Variants in CDH12 observed in about 807,000 individuals in gnomAD.
CDH12 encodes cadherin-12.
Under a neutral mutation model 74.1 loss-of-function variants are expected in CDH12, and 41 were observed. That is an observed-to-expected ratio of 0.55 (90% CI 0.43 to 0.72). The LOEUF (loss-of-function observed/expected upper bound fraction) is 0.72, where lower values mean the gene tolerates loss of function less well. Among genes scored for constraint, CDH12 ranks in the 30% least tolerant of loss-of-function variants. CDH12 has a pLI of 0.00. For synonymous variants in CDH12, 399 were observed against 355.0 expected (o/e 1.12, Z -1.39); for missense variants, 945 against 977.2 (o/e 0.97, Z 0.44).
chr5:22,064,867 A>G (rs1741451881), intron 5 of CDH12, among the ~76,000 whole-genome samples: 1 of 152,146 alleles, frequency 6.6e-6, no homozygotes, highest in Admixed American at 6.5e-5. Context: ...GTTGGGAAAA[A>G]ACCCTAGACT....
At chr5:22,520,334 A>G (rs1489206584) in intron 1 of CDH12, among the ~76,000 whole-genome samples, 1 of 152,218 alleles carries the variant, frequency 6.6e-6, no homozygotes, top group East Asian at 1.9e-4. Context: ...GTTGCATAAT[A>G]TAATTCCACA....
chr5:22,486,851 C>A (rs1206704324), intron 2 of CDH12, among the ~76,000 whole-genome samples: 1 of 152,060 alleles, frequency 6.6e-6, no homozygotes, highest in Non-Finnish European at 1.5e-5. Context: ...GATACATAAT[C>A]ATTAGTTGCA....
chr5:22,570,849 T>G (rs1739508265), intron 1 of CDH12, among the ~76,000 whole-genome samples: 1 of 152,336 alleles, frequency 6.6e-6, no homozygotes. Context: ...CTGTTTCATC[T>G]ACCTTAAAAA....
rs1460192142 is a variant in CDH12, at chr5:22,567,214, T to C, written c.-522-61850A>G. Among the ~76,000 whole-genome samples, 3 of 152,266 alleles carry C rather than the reference T, an allele frequency of 2.0e-5. No individual in the cohort carries two copies. The East Asian group carries it at 5.8e-4, about 29-fold the overall frequency. On this transcript the variant is annotated intron_variant, in intron 1 of 14. Coordinates refer to ENST00000382254, the MANE Select transcript of CDH12 (RefSeq NM_004061.5). ...CTCAGTTCACACCATTATCCCAAGGTTTGGAGTTAGCCACATTGTATTAGA... is the reference window on the plus strand; with the variant it reads ...CTCAGTTCACACCATTATCCCAAGGCTTGGAGTTAGCCACATTGTATTAGA...
intron 2 of CDH12, among the ~76,000 whole-genome samples, chr5:22,431,952 A>T (rs557760913): frequency 6.6e-6 from 1 of 152,246 alleles, no homozygotes; most frequent in South Asian, 2.1e-4. Context: ...TAAGAACAAA[A>T]ATATAACTTT....
At chr5:22,656,264 A>C (rs1464813615) in intron 1 of CDH12, among the ~76,000 whole-genome samples, 1 of 152,194 alleles carries the variant, frequency 6.6e-6, no homozygotes, top group Non-Finnish European at 1.5e-5. Context: ...GGATTTTATA[A>C]GGTCTTGCAA....
intron 2 of CDH12, among the ~76,000 whole-genome samples, chr5:22,420,912 G>T (rs1306883134): frequency 2.0e-5 from 3 of 152,044 alleles, no homozygotes; most frequent in Admixed American, 1.3e-4. Flanking sequence ...CACATCCCTT[G>T]TTAGCTGTAT....
chr5:22,196,230 C>T (rs566493779), intron 4 of CDH12, among the ~76,000 whole-genome samples: 1 of 151,230 alleles, frequency 6.6e-6, no homozygotes, highest in Admixed American at 6.6e-5. Context: ...CTGCAACTTC[C>T]GAATCCCGGG....
At chr5:21,842,367 A>C in intron 7 of CDH12, 39 bp from the exon 8 acceptor site, 1 of 1,382,850 alleles carries the variant, frequency 7.2e-7, no homozygotes, top group Non-Finnish European at 1.0e-6. Context: ...TAAATATCAC[A>C]AATGCTCTGT....
At chr5:22,040,733 A>T (rs1168669546) in intron 5 of CDH12, among the ~76,000 whole-genome samples, 2 of 152,128 alleles carry the variant, frequency 1.3e-5, no homozygotes, top group East Asian at 3.9e-4. Context: ...GTAAAAGATA[A>T]AATTTTCCTC....
At chr5:22,600,749 C>T (rs573012941) in intron 1 of CDH12, among the ~76,000 whole-genome samples, 25 of 151,866 alleles carry the variant, frequency 1.6e-4, no homozygotes, top group South Asian at 6.2e-4. Context: ...TCATCCTTTA[C>T]GTAATTTTAC....
Position 22,748,710 on chromosome 5 carries a change from A to G in CDH12, c.-523+104348T>C, listed in dbSNP as rs149740557. ...AATCTTAAGATAAATATTAGTAGAGACTGTAGCGATTGTAATGATGTGACG... is the reference window on the plus strand; with the variant it reads ...AATCTTAAGATAAATATTAGTAGAGGCTGTAGCGATTGTAATGATGTGACG... On this transcript the variant is annotated intron_variant, in intron 1 of 14. Coordinates refer to ENST00000382254, the MANE Select transcript of CDH12 (RefSeq NM_004061.5). Among the ~76,000 whole-genome samples the G allele has an allele frequency of 4.2e-4, 64 of 152,270 alleles. 1 individual carries two copies. The East Asian group carries it at 0.012, about 29-fold the overall frequency.
At chr5:22,276,497 C>T (rs1358104394) in intron 3 of CDH12, among the ~76,000 whole-genome samples, 1 of 152,162 alleles carries the variant, frequency 6.6e-6, no homozygotes, top group African/African-American at 2.4e-5. Context: ...TTTAAAAACT[C>T]ATCCCCTTGA....
intron 1 of CDH12, among the ~76,000 whole-genome samples, chr5:22,796,997 A>G (rs924158525): frequency 1.3e-5 from 2 of 152,112 alleles, no homozygotes; most frequent in Non-Finnish European, 2.9e-5. Context: ...GGTCTTATCC[A>G]TGTCAAAAAT....
At chr5:22,270,893 C>G (rs1736371001) in intron 3 of CDH12, among the ~76,000 whole-genome samples, 1 of 151,964 alleles carries the variant, frequency 6.6e-6, no homozygotes, top group Non-Finnish European at 1.5e-5. Context: ...CCAGGCTAGT[C>G]TTGAACTCCT....
chr5:22,802,987 A>T (rs947331065), intron 1 of CDH12, among the ~76,000 whole-genome samples: 1 of 152,160 alleles, frequency 6.6e-6, no homozygotes, highest in Non-Finnish European at 1.5e-5. Flanking sequence ...GTGGGCATTA[A>T]AGCCCACTTA....
chr5:22,532,979 C>A (rs1402664991), intron 1 of CDH12, among the ~76,000 whole-genome samples: 4 of 151,884 alleles, frequency 2.6e-5, no homozygotes, highest in East Asian at 1.9e-4. Context: ...GTATACAGGG[C>A]AAATTACTAG....
At chr5:22,029,499 A>C (rs1176426947) in intron 5 of CDH12, among the ~76,000 whole-genome samples, 1 of 150,600 alleles carries the variant, frequency 6.6e-6, no homozygotes, top group African/African-American at 2.4e-5. Context: ...GCAGCCAAAA[A>C]ACACATGAAA....
intron 4 of CDH12, among the ~76,000 whole-genome samples, chr5:22,165,442 A>G (rs1372820588): frequency 6.6e-6 from 1 of 152,004 alleles, no homozygotes; most frequent in Non-Finnish European, 1.5e-5. Context: ...ATGTTTGATG[A>G]CCCTATTTAA....
Sources: gnomAD v4.1 joint callset for allele counts (sites outside exome capture counted in the v4.1 genomes callset) on GRCh38, gnomAD v4.1.1 for gene constraint, MANE v1.5 for transcripts, NCBI Gene and HGNC (gene_info 2026-07-23, HGNC 2026-07-21) for gene names.